The following TNNT1 variants were observed in gnomAD, a reference collection of about 807,000 sequenced individuals.
The protein encoded by TNNT1 is troponin T1, slow skeletal type.
Under a neutral mutation model 50.6 loss-of-function variants are expected in TNNT1, and 53 were observed. That is an observed-to-expected ratio of 1.05 (90% confidence interval 0.84 to 1.32). TNNT1 has a LOEUF of 1.32. TNNT1 is among the 40% of genes most tolerant of loss of function. The pLI is 0.00. For missense variants in TNNT1, 348 were observed against 381.7 expected, an observed-to-expected ratio of 0.91 and a Z score of 0.74; for synonymous variants, 142 against 138.0, an observed-to-expected ratio of 1.03 and a Z score of -0.20.
rs1165775398 is a variant in TNNT1, at chr19:55,143,810, G to A, written c.128+1734C>T. Among the ~76,000 whole-genome samples the A allele has an allele frequency of 2.6e-5, 4 of 152,138 alleles. No individual in the cohort carries two copies. The East Asian group carries it at 5.8e-4, about 22-fold the overall frequency. On this transcript the variant is annotated intron_variant, in intron 6 of 13. Transcript: ENST00000588981. ...TGCTGAGGACTCGCCAACTGTCTCT[G>A]GTCCAGACTCTCTCCTAAGCCCCAG...
In TNNT1 at chr19:55,141,913, C is replaced by T. The variant is rs778199645; in HGVS notation, c.136G>A (p.Val46Met). 5.0e-6 allele frequency: 8 copies of T among 1,613,924 alleles called. No homozygotes were observed. Among genetic ancestry groups the T allele is most frequent in the African/African-American group, 1.3e-5 (1 of 74,906 alleles). ...EEERPKPSRP[V>M]VPPLIPPKIP... ...TTTGGCGGGATCAAAGGAGGCACCA[C>T]GGGGCGGCTGAGTGGACAGAAACAC... is the stretch of plus-strand genomic sequence containing the variant. Residue 46 changes from valine to methionine, a missense_variant, in exon 7 of 14, where the codon GTG becomes ATG. Around this residue, in one of 3 missense-constraint regions of TNNT1, gnomAD observed 90 missense variants for 70.8 expected, o/e 1.27. Transcript: ENST00000588981.
chr19:55,146,649 C>T, intron 4 of TNNT1, 32 bp downstream of exon 4: 1 of 1,444,804 alleles, frequency 6.9e-7, no homozygotes, highest in Non-Finnish European at 9.2e-7. Context: ...CCCCACCCCC[C>T]AGCTCCAGAC....
At chr19:55,140,732 G>A (rs1264349144) in intron 9 of TNNT1, 151 bp downstream of exon 9, 9 of 398,052 alleles carry the variant, frequency 2.3e-5, no homozygotes, top group South Asian at 6.0e-5. Context: ...AGCTGAGATC[G>A]TGCCACTGCA....
intron 6 of TNNT1, among the ~76,000 whole-genome samples, chr19:55,143,095 G>A (rs987291368): frequency 2.0e-5 from 3 of 151,806 alleles, no homozygotes; most frequent in Non-Finnish European, 4.4e-5. Flanking sequence ...CTTGAACCCC[G>A]GAGGCAGAGA....
At chr19:55,136,312 C>G (rs1227104842) in intron 11 of TNNT1, among the ~76,000 whole-genome samples, 2 of 152,084 alleles carry the variant, frequency 1.3e-5, no homozygotes, top group Non-Finnish European at 2.9e-5. Context: ...GTCTCCAACT[C>G]CTGGCCTCAA....
chr19:55,142,012 C>A (rs1472905148), intron 6 of TNNT1, 92 bp from the exon 7 acceptor site: 2 of 1,333,496 alleles, frequency 1.5e-6, no homozygotes, highest in Admixed American at 1.7e-5. Flanking sequence ...AGGTAGCCGC[C>A]AGCCCCGGGA....
intron 1 of TNNT1, among the ~76,000 whole-genome samples, chr19:55,147,630 G>C (rs1015437756): frequency 2.9e-5 from 4 of 136,708 alleles, no homozygotes; most frequent in Non-Finnish European, 6.2e-5. Context: ...GGACTCCTGA[G>C]ACTGAGATGG....
intron 10 of TNNT1, 67 bp from the exon 11 acceptor site, chr19:55,137,279 C>T (rs1346463603): frequency 3.4e-6 from 4 of 1,171,332 alleles, no homozygotes; most frequent in Non-Finnish European, 5.1e-6. Flanking sequence ...CGTGTCGGGA[C>T]CCACACGTCG....
At chr19:55,145,406 G>A in intron 6 of TNNT1, 138 bp downstream of exon 6, 3 of 740,574 alleles carry the variant, frequency 4.1e-6, no homozygotes, top group Middle Eastern at 2.7e-4. Context: ...GGGGAGGGAG[G>A]AGGAGGAGGA....
chr19:55,146,609 C>A lies in TNNT1; in HGVS notation c.73+72G>T, dbSNP rs2085558291. On this transcript the variant is annotated intron_variant, in intron 4 of 13. Transcript: ENST00000588981. The stretch of plus-strand genomic sequence containing the variant: ...GAGGCCGTCGGGAGCCCCATCCCGC[C>A]CCCTCCTCCCGGGCCCAGCGTCCCC... The A allele has an allele frequency of 2.5e-6, 3 of 1,177,832 alleles. No individual in the cohort carries two copies. In the African/African-American group the frequency reaches 4.7e-5, roughly 18 times the overall value. The allele number at this position is 1,177,832 out of a possible 1,614,324, so 73.0% of individuals were successfully genotyped here.
chr19:55,137,551 G>A (rs1209258418), intron 10 of TNNT1, among the ~76,000 whole-genome samples: 1 of 82,900 alleles, frequency 1.2e-5, no homozygotes, highest in Non-Finnish European at 2.2e-5. Flanking sequence ...CAGGCCCCGA[G>A]CCCCTCCTCC....
chr19:55,143,855 T>C (rs2085500661), intron 6 of TNNT1, among the ~76,000 whole-genome samples: 1 of 152,124 alleles, frequency 6.6e-6, no homozygotes, highest in African/African-American at 2.4e-5. Flanking sequence ...AACAGGTATC[T>C]CCTGAACTTT....
intron 9 of TNNT1, among the ~76,000 whole-genome samples, chr19:55,140,019 G>A (rs2085421361): frequency 6.6e-6 from 1 of 152,168 alleles, no homozygotes; most frequent in African/African-American, 2.4e-5. Context: ...AGCTACTCAG[G>A]AGGCTGAGGC....
intron 2 of TNNT1, 25 bp downstream of exon 2, chr19:55,147,101 C>A: frequency 2.5e-6 from 4 of 1,613,726 alleles, no homozygotes; most frequent in Non-Finnish European, 2.5e-6. Flanking sequence ...CTGCACGCCC[C>A]AACCCCTCCC....
chr19:55,142,124 T>G, intron 6 of TNNT1: 1 of 558,266 alleles, frequency 1.8e-6, no homozygotes, highest in Admixed American at 3.0e-5. Flanking sequence ...TTGTTGTTGG[T>G]TTTGTTTTGT....
At position 55,147,132 on chromosome 19, in the gene TNNT1, T is replaced by A; in HGVS notation, c.26A>T (p.Tyr9Phe). ...CTCCCAGTGCAGCACTCACTCCTCA[T>A]ATTCCTGCTCCTCGGTGTCCGACAT... The part of the protein sequence containing the change: MSDTEEQE[Y>F]EEEQPEEEAA... Residue 9 changes from tyrosine (Y) to phenylalanine (F), a missense_variant, in exon 2 of 14, where the codon TAT becomes TTT. Transcript: ENST00000588981. The A allele has an allele frequency of 6.2e-7, 1 of 1,613,814 alleles. No homozygotes were observed.
At chr19:55,133,990 C>T in intron 12 of TNNT1, 63 bp from the exon 13 acceptor site, 2 of 1,612,902 alleles carry the variant, frequency 1.2e-6, no homozygotes, top group Non-Finnish European at 1.7e-6. Flanking sequence ...GCCACCCACC[C>T]CTGCCTGGAG....
intron 12 of TNNT1, 48 bp downstream of exon 12, chr19:55,134,018 G>C (rs1325281867): frequency 6.3e-7 from 1 of 1,592,822 alleles, no homozygotes; most frequent in Admixed American, 1.7e-5. Flanking sequence ...GTCCCTCCCA[G>C]CCCAGCCCTG....
At chr19:55,139,428 G>C (rs1007995980) in intron 9 of TNNT1, among the ~76,000 whole-genome samples, 2 of 152,236 alleles carry the variant, frequency 1.3e-5, no homozygotes, top group African/African-American at 4.8e-5. Flanking sequence ...GTTGTGAACA[G>C]AACCAATTTA....
Sources: allele counts gnomAD v4.1 joint callset (sites outside exome capture counted in the v4.1 genomes callset), GRCh38; gene constraint gnomAD v4.1.1; regional missense constraint gnomAD v4.1.1; transcripts MANE v1.5; gene names NCBI Gene and HGNC (gene_info 2026-07-23, HGNC 2026-07-21).